The following RIC1 variants were observed in gnomAD, a reference collection of about 807,000 sequenced individuals.
The protein encoded by RIC1 is RIC1 partner of RAB6A GEF complex, also known as guanine nucleotide exchange factor subunit RIC1.
A neutral mutation model predicts 169.0 loss-of-function variants in RIC1; 88 were observed. The observed-to-expected ratio is 0.52, with a 90% CI of 0.44 to 0.62. The LOEUF is 0.62. Ranked by LOEUF, RIC1 falls within the 20% of genes least tolerant of loss-of-function variation. RIC1 has a pLI of 0.00. For synonymous variants in RIC1, 790 were observed against 601.5 expected, an observed-to-expected ratio of 1.31 and a Z score of -4.59; for missense variants, 1,877 against 1,725.5, an observed-to-expected ratio of 1.09 and a Z score of -1.56.
At position 5,776,146 on chromosome 9, in the gene RIC1, T is replaced by A. The variant is rs539933211; in HGVS notation, c.*1900T>A. 6.6e-6 allele frequency: 1 copy of A among 152,152 alleles called. No individual in the cohort carries two copies. The highest frequency in any genetic ancestry group is 1.5e-5 in the Non-Finnish European group (1 of 67,970). 9.4% of individuals were successfully genotyped at this position (152,152 alleles called of 1,614,324 possible). On this transcript the variant is annotated 3_prime_UTR_variant, in exon 26 of 26. Transcript: ENST00000414202. ...CATTCTTGAAAGCAGGGCACCAGTA[T>A]AAGTTAACTGTATTCCTGTGGGTTA... is the stretch of plus-strand genomic sequence containing the variant.
At chr9:5,725,897 G>T (rs981774389) in intron 6 of RIC1, among the ~76,000 whole-genome samples, 1 of 152,124 alleles carries the variant, frequency 6.6e-6, no homozygotes. Context: ...CTGAGTTCTA[G>T]TTTGATTGCA....
At position 5,759,777 on chromosome 9, in the gene RIC1, GA is replaced by G. The variant is rs940011517; in HGVS notation, c.1992+2335del. Among the ~76,000 whole-genome samples, 169 of 149,404 alleles carry G rather than the reference GA, an allele frequency of 1.1e-3. 3 individuals are homozygous for G. Among genetic ancestry groups the G allele is most frequent in the Admixed American group, 0.01 (152 of 15,086 alleles). Reference sequence around the variant, plus strand: ...TAATTGAAAATATTCTGACAAAACTGAAAAAAAAATAAGGGATGGATGGAGC... The same window carrying G: ...TAATTGAAAATATTCTGACAAAACTGAAAAAAAATAAGGGATGGATGGAGC... On this transcript the variant is annotated intron_variant, in intron 17 of 25. Transcript: ENST00000414202.
Position 5,656,631 on chromosome 9 carries a change from C to G in RIC1, c.193C>G (p.Gln65Glu). 1.2e-6 allele frequency: 2 copies of G among 1,609,938 alleles called. No homozygotes were observed. Among genetic ancestry groups the G allele is most frequent in the Non-Finnish European group, 1.7e-6 (2 of 1,177,840 alleles). Residue 65 changes from glutamine (Q) to glutamate (E), a missense_variant, in exon 2 of 26, where the codon CAG (glutamine) becomes GAG (glutamate). Coordinates refer to ENST00000414202, the MANE Select transcript of RIC1 (RefSeq NM_020829.4). The part of the protein sequence containing the change: ...TYKEPAKSST[Q>E]FGSYKQAEWR... ...CAAGGAGCCTGCAAAATCATCTACT[C>G]AGTTTGGATCCTACAAGCAAGCTGA...
intron 1 of RIC1, among the ~76,000 whole-genome samples, chr9:5,636,735 T>A (rs1586857797): frequency 1.3e-5 from 2 of 152,196 alleles, no homozygotes; most frequent in African/African-American, 4.8e-5. Flanking sequence ...AGTTCTAAAT[T>A]TTTTGGTGGT....
At chr9:5,684,451 T>C (rs1054942309) in intron 2 of RIC1, among the ~76,000 whole-genome samples, 1 of 152,174 alleles carries the variant, frequency 6.6e-6, no homozygotes, top group Non-Finnish European at 1.5e-5. Flanking sequence ...AGCACTGTTT[T>C]CTAGTTATCA....
intron 6 of RIC1, among the ~76,000 whole-genome samples, chr9:5,725,057 T>A (rs903092185): frequency 1.3e-5 from 2 of 152,222 alleles, no homozygotes; most frequent in Middle Eastern, 3.2e-3. Flanking sequence ...GATATCAGGA[T>A]GATGCAGGCC....
chr9:5,642,145 A>G (rs906289869), intron 1 of RIC1, among the ~76,000 whole-genome samples: 1 of 145,290 alleles, frequency 6.9e-6, no homozygotes, highest in African/African-American at 2.8e-5. Flanking sequence ...ACTCAGAGGT[A>G]CTGCCTTGGT....
intron 1 of RIC1, among the ~76,000 whole-genome samples, chr9:5,633,860 T>C (rs973170817): frequency 6.6e-6 from 1 of 152,216 alleles, no homozygotes; most frequent in African/African-American, 2.4e-5. Flanking sequence ...ATTCATCTTA[T>C]ACCTGAAAAT....
intron 9 of RIC1, 49 bp downstream of exon 9, chr9:5,743,062 A>C: frequency 1.8e-5 from 28 of 1,546,232 alleles, no homozygotes; most frequent in African/African-American, 2.8e-5. Flanking sequence ...ATTATTTCTC[A>C]CAATGCATGC....
At chr9:5,705,872 G>A (rs1822555148) in intron 3 of RIC1, among the ~76,000 whole-genome samples, 1 of 152,038 alleles carries the variant, frequency 6.6e-6, no homozygotes, top group Non-Finnish European at 1.5e-5. Flanking sequence ...TATTTTTTCA[G>A]ATGCTTTTTC....
At chr9:5,760,865 G>A (rs1586705521) in intron 17 of RIC1, among the ~76,000 whole-genome samples, 1 of 152,222 alleles carries the variant, frequency 6.6e-6, no homozygotes, top group African/African-American at 2.4e-5. Context: ...ATGATCATTG[G>A]TAGCTTAAAT....
At position 5,738,579 on chromosome 9, in the gene RIC1, G is replaced by A. The variant is rs80021863; in HGVS notation, c.901+41G>A. ...TTTTTTTTTTTTTAACATTTTTAAT[G>A]TACTGGTATTGCCATTTGTAGCAGA... On this transcript the variant is annotated intron_variant, in intron 8 of 25. Transcript: ENST00000414202. 7,490 of 1,104,208 alleles carry A rather than the reference G, an allele frequency of 6.8e-3. 286 individuals are homozygous for A. The African/African-American group carries it at 0.11, about 16-fold the overall frequency. The allele number at this position is 1,104,208 out of a possible 1,614,324, so 68.4% of individuals were successfully genotyped here.
Position 5,629,170 on chromosome 9 carries a change from C to G in RIC1, c.-140C>G. On this transcript the variant is annotated 5_prime_UTR_variant, in exon 1 of 26. Coordinates refer to ENST00000414202, the MANE Select transcript of RIC1 (RefSeq NM_020829.4). ...CAGCCTTGCGTCGGCCCGGCCCGGCCAGGCCAGCGGGCAGATGCCCCGAGC... is the reference window on the plus strand; with the variant it reads ...CAGCCTTGCGTCGGCCCGGCCCGGCGAGGCCAGCGGGCAGATGCCCCGAGC... 1 of 824,206 alleles carries G rather than the reference C, an allele frequency of 1.2e-6. No individual in the cohort carries two copies. Among genetic ancestry groups the G allele is most frequent in the Non-Finnish European group, 1.6e-6 (1 of 611,558 alleles). 51.1% of individuals were successfully genotyped at this position (824,206 alleles called of 1,614,324 possible). A position where few individuals can be genotyped will look rare whatever the true frequency, so the allele number is the denominator to read the frequency against.
At chr9:5,639,062 C>T (rs980797068) in intron 1 of RIC1, among the ~76,000 whole-genome samples, 4 of 152,116 alleles carry the variant, frequency 2.6e-5, no homozygotes, top group African/African-American at 9.7e-5. Context: ...ACTACAGTTG[C>T]ATGCCACCGT....
intron 3 of RIC1, among the ~76,000 whole-genome samples, chr9:5,699,600 A>G (rs1822102113): frequency 6.6e-6 from 1 of 152,140 alleles, no homozygotes; most frequent in Non-Finnish European, 1.5e-5. Flanking sequence ...CACAAGTGGT[A>G]AGGGCAACCT....
In RIC1 at chr9:5,763,968, C is replaced by A. The variant is rs1414284323; in HGVS notation, c.2841+100C>A. On this transcript the variant is annotated intron_variant, in intron 19 of 25. Transcript: ENST00000414202. This position sits in a 1 kb window ranked among gnomAD's most constrained non-coding sequence, Gnocchi z 5.2. ...ACACCATGATTGTGTTTAAGGAATT[C>A]ATAGTCAAATTTTCTGTTTATATCT... 4.5e-6 allele frequency: 6 copies of A among 1,330,192 alleles called. No homozygotes were observed. The highest frequency in any genetic ancestry group is 4.7e-5 in the Admixed American group (2 of 42,766). 82.4% of individuals were successfully genotyped at this position (1,330,192 alleles called of 1,614,324 possible).
chr9:5,730,259 G>GA (rs1279916793), intron 6 of RIC1, among the ~76,000 whole-genome samples: 1 of 152,062 alleles, frequency 6.6e-6, no homozygotes, highest in Admixed American at 6.6e-5. Flanking sequence ...AAGAGCTGGA[G>GA]AAAAAATATA....
intron 3 of RIC1, among the ~76,000 whole-genome samples, chr9:5,698,605 T>A (rs1275412914): frequency 1.3e-5 from 2 of 152,164 alleles, no homozygotes; most frequent in East Asian, 1.9e-4. Context: ...CAGATAAATA[T>A]CCAGCAGTTT....
At chr9:5,699,043 T>C (rs192443358) in intron 3 of RIC1, among the ~76,000 whole-genome samples, 1 of 152,334 alleles carries the variant, frequency 6.6e-6, no homozygotes, top group East Asian at 1.9e-4. Context: ...TCTGGGGAAC[T>C]TAGGCAGAGT....
Sources: gnomAD v4.1 joint callset for allele counts (sites outside exome capture counted in the v4.1 genomes callset) on GRCh38, gnomAD v4.1.1 for gene constraint, Gnocchi (gnomAD v3.1) non-coding constraint, MANE v1.5 for transcripts, NCBI Gene and HGNC (gene_info 2026-07-23, HGNC 2026-07-21) for gene names.